The following HEMK2 variants were observed in gnomAD, a reference collection of about 807,000 sequenced individuals.
HEMK2 encodes the protein HemK methyltransferase 2, ETF1 glutamine and histone H4 lysine, also known as methyltransferase HEMK2.
chr21:28,677,997 T>G, the HEMK2 span, among the ~76,000 whole-genome samples: 10 of 152,276 alleles, frequency 6.6e-5, no homozygotes, highest in East Asian at 1.9e-3. Flanking sequence ...CCTCTCCTCC[T>G]CCAAAGGAAT....
the HEMK2 span, among the ~76,000 whole-genome samples, chr21:28,866,287 G>A: frequency 2.0e-5 from 3 of 149,832 alleles, no homozygotes; most frequent in African/African-American, 7.4e-5. Flanking sequence ...TCTGCAGACA[G>A]CCGAGATCAC....
At chr21:28,815,939 G>C in the HEMK2 span, among the ~76,000 whole-genome samples, 1 of 152,104 alleles carries the variant, frequency 6.6e-6, no homozygotes, top group Non-Finnish European at 1.5e-5. Context: ...TTTTGAAATG[G>C]GGCCTTTAAA....
the HEMK2 span, among the ~76,000 whole-genome samples, chr21:28,854,509 GATATAC>G: frequency 6.8e-6 from 1 of 146,764 alleles, no homozygotes; most frequent in Non-Finnish European, 1.5e-5. Flanking sequence ...TATATCTATA[GATATAC>G]ATAGAGATAG....
chr21:28,877,500 CAA>C, the HEMK2 span, among the ~76,000 whole-genome samples: 2 of 126,094 alleles, frequency 1.6e-5, no homozygotes, highest in Admixed American at 1.7e-4. Flanking sequence ...GAAAAAGAGA[CAA>C]AGATGGACAG....
the HEMK2 span, among the ~76,000 whole-genome samples, chr21:28,656,913 A>G: frequency 2.6e-5 from 4 of 152,108 alleles, no homozygotes; most frequent in Non-Finnish European, 4.4e-5. Flanking sequence ...GAAAAATGAA[A>G]AACACCTACC....
the HEMK2 span, among the ~76,000 whole-genome samples, chr21:28,857,948 C>T: frequency 6.6e-6 from 1 of 152,198 alleles, no homozygotes; most frequent in Non-Finnish European, 1.5e-5. Flanking sequence ...TTGGCTTTGA[C>T]TTTTCAACAG....
the HEMK2 span, among the ~76,000 whole-genome samples, chr21:28,684,391 G>A: frequency 5.9e-5 from 9 of 152,138 alleles, no homozygotes; most frequent in South Asian, 2.1e-4. Flanking sequence ...TAGGCTAAAC[G>A]GAAAAACAAA....
the HEMK2 span, among the ~76,000 whole-genome samples, chr21:28,763,109 A>C: frequency 6.6e-6 from 1 of 152,156 alleles, no homozygotes; most frequent in African/African-American, 2.4e-5. Context: ...CTTTTCCACC[A>C]ATGGGACACC....
chr21:28,714,533 A>G, the HEMK2 span, among the ~76,000 whole-genome samples: 1 of 152,252 alleles, frequency 6.6e-6, no homozygotes, highest in Non-Finnish European at 1.5e-5. Context: ...GAAACCAGAT[A>G]ACACTTCAGG....
the HEMK2 span, among the ~76,000 whole-genome samples, chr21:28,650,787 A>G: frequency 6.6e-6 from 1 of 152,196 alleles, no homozygotes. Flanking sequence ...GGGGAGTTGA[A>G]TCCATGGGGG....
At chr21:28,851,218 CTG>C in the HEMK2 span, among the ~76,000 whole-genome samples, 1 of 152,192 alleles carries the variant, frequency 6.6e-6, no homozygotes, top group African/African-American at 2.4e-5. Flanking sequence ...GAGGCTGCCA[CTG>C]TGTTTCACCT....
the HEMK2 span, among the ~76,000 whole-genome samples, chr21:28,669,696 G>T: frequency 6.6e-6 from 1 of 152,182 alleles, no homozygotes; most frequent in Admixed American, 6.5e-5. Context: ...GACCCAACTT[G>T]AATCAGAGCT....
At chr21:28,774,882 T>C in the HEMK2 span, among the ~76,000 whole-genome samples, 1 of 152,212 alleles carries the variant, frequency 6.6e-6, no homozygotes, top group East Asian at 1.9e-4. Context: ...GATTATCTCT[T>C]CAACTTATCT....
the HEMK2 span, among the ~76,000 whole-genome samples, chr21:28,838,972 A>AAAAAATATATATATATAT: frequency 1.7e-4 from 5 of 29,158 alleles, no homozygotes; most frequent in African/African-American, 3.9e-4. Flanking sequence ...AAAAAAAAAA[A>AAAAAATATATATATATAT]ATATATATAT....
chr21:28,809,718 T>C, the HEMK2 span, among the ~76,000 whole-genome samples: 1 of 152,002 alleles, frequency 6.6e-6, no homozygotes, highest in Non-Finnish European at 1.5e-5. Context: ...TGTTCCAAGA[T>C]AAAAAAAATC....
chr21:28,581,045 T>C, the HEMK2 span, among the ~76,000 whole-genome samples: 1 of 152,114 alleles, frequency 6.6e-6, no homozygotes, highest in Non-Finnish European at 1.5e-5. Context: ...TTTTTAACTT[T>C]GGAAAAACAG....
the HEMK2 span, among the ~76,000 whole-genome samples, chr21:28,856,312 G>A: frequency 6.6e-6 from 1 of 152,122 alleles, no homozygotes; most frequent in Non-Finnish European, 1.5e-5. Flanking sequence ...CTACTTGGGA[G>A]GCTGAAGCAG....
At chr21:28,630,738 A>T in the HEMK2 span, among the ~76,000 whole-genome samples, 2 of 132,988 alleles carry the variant, frequency 1.5e-5, no homozygotes, top group Non-Finnish European at 3.1e-5. Flanking sequence ...ATGAGAACAC[A>T]TGGACACAGG....
the HEMK2 span, among the ~76,000 whole-genome samples, chr21:28,783,807 C>A: frequency 6.6e-6 from 1 of 152,190 alleles, no homozygotes; most frequent in Non-Finnish European, 1.5e-5. Context: ...CGGGCCAGCA[C>A]GAGTTCCGGG....
Sources: gnomAD v4.1 joint callset for allele counts (sites outside exome capture counted in the v4.1 genomes callset) on GRCh38, gnomAD v4.1.1 for gene constraint, MANE v1.5 for transcripts, NCBI Gene and HGNC (gene_info 2026-07-23, HGNC 2026-07-21) for gene names.